The following MTFR1 variants were observed in gnomAD, a reference collection of about 807,000 sequenced individuals.
The protein encoded by MTFR1 is chondrocyte protein with a poly-proline region.
A neutral mutation model predicts 38.8 loss-of-function variants in MTFR1; 28 were observed. That is an observed-to-expected ratio of 0.72 (90% confidence interval 0.53 to 0.99). The LOEUF (loss-of-function observed/expected upper bound fraction) is 0.99, where lower values mean the gene tolerates loss of function less well. MTFR1 is among the 50% of genes least tolerant of loss of function. MTFR1 has a pLI of 0.00. For synonymous variants in MTFR1, 145 were observed against 137.0 expected (o/e 1.06, Z -0.41); for missense variants, 358 against 395.5 (o/e 0.91, Z 0.81).
chr8:65,711,406 G>GAAAT (rs765923464), downstream of MTFR1, among the ~76,000 whole-genome samples: 1 of 152,174 alleles, frequency 6.6e-6, no homozygotes, highest in Non-Finnish European at 1.5e-5. Context: ...AACTTCCCCA[G>GAAAT]AAATAAATAG....
intron 2 of MTFR1, among the ~76,000 whole-genome samples, chr8:65,670,366 T>C (rs1296039805): frequency 6.6e-6 from 1 of 152,190 alleles, no homozygotes; most frequent in Non-Finnish European, 1.5e-5. Context: ...ATCATTAACA[T>C]TGAATGCTGT....
At chr8:65,750,501 T>TGC (rs1807891063) in intron 3 of MTFR1, among the ~76,000 whole-genome samples, 3 of 143,320 alleles carry the variant, frequency 2.1e-5, no homozygotes, top group Non-Finnish European at 4.5e-5. Flanking sequence ...TGTGTGTGTG[T>TGC]GTCTGTGTGT....
At chr8:65,735,844 T>C (rs1412262434) in intron 3 of MTFR1, among the ~76,000 whole-genome samples, 1 of 151,846 alleles carries the variant, frequency 6.6e-6, no homozygotes, top group East Asian at 1.9e-4. Context: ...AGGCTGGTCT[T>C]TAACTCCTGA....
chr8:65,703,757 ATTTGTT>A (rs1335459047), intron 4 of MTFR1, among the ~76,000 whole-genome samples: 4 of 151,720 alleles, frequency 2.6e-5, no homozygotes, highest in African/African-American at 9.7e-5. Context: ...TTGTTTTTGT[ATTTGTT>A]TTTATTTCTT....
intron 3 of MTFR1, among the ~76,000 whole-genome samples, chr8:65,754,510 G>A (rs549894075): frequency 4.7e-4 from 71 of 151,306 alleles, no homozygotes; most frequent in Non-Finnish European, 3.0e-4. Context: ...ACTAATTTTT[G>A]TATTTTTAGT....
intron 3 of MTFR1, chr8:65,725,275 A>G (rs1375086904): frequency 6.2e-6 from 1 of 162,030 alleles, no homozygotes; most frequent in Non-Finnish European, 1.4e-5. Context: ...TTGCTGGAAA[A>G]TTCTCATGCT....
At chr8:65,723,518 T>C in intron 3 of MTFR1, 1 of 1,475,830 alleles carries the variant, frequency 6.8e-7, no homozygotes, top group Non-Finnish European at 9.0e-7. Context: ...TCTAACCAGC[T>C]ATATCTAAAT....
rs753147245 is a variant in MTFR1 at position 65,739,496 on chromosome 8, A to G, written c.*48+20015A>G. On this transcript the variant is annotated intron_variant, in intron 3 of 3. Transcript: ENST00000521247. ...TTGTTACTGTTAATGGGTTAGAATC[A>G]CTTACCTAAAAATCTACGAAGTTTC... is the stretch of plus-strand genomic sequence containing the variant. 9 of 1,550,118 alleles carry G rather than the reference A, an allele frequency of 5.8e-6. No homozygotes were observed. In the Admixed American group the frequency reaches 1.6e-4, roughly 27 times the overall value.
chr8:65,649,151 T>TA (rs1006232292), intron 1 of MTFR1, among the ~76,000 whole-genome samples: 1 of 152,114 alleles, frequency 6.6e-6, no homozygotes, highest in African/African-American at 2.4e-5. Flanking sequence ...AGGATGTGTA[T>TA]AGGTTATATG....
rs190568640 is a variant in MTFR1, at chr8:65,710,121, T to C, written c.*1077T>C. ...TTTATAAATCTTCATGGTTTTTCTATTTCTGATACACTCAGCTATAGTTAA... is the reference window on the plus strand; with the variant it reads ...TTTATAAATCTTCATGGTTTTTCTACTTCTGATACACTCAGCTATAGTTAA... On this transcript the variant is annotated 3_prime_UTR_variant, in exon 8 of 8. Transcript: ENST00000262146. 4.4e-4 allele frequency: 67 copies of C among 152,324 alleles called. No individual in the cohort carries two copies. Among genetic ancestry groups the C allele is most frequent in the African/African-American group, 1.5e-3 (62 of 41,576 alleles). The allele number at this position is 152,324 out of a possible 1,614,324, so 9.4% of individuals were successfully genotyped here.
intron 3 of MTFR1, among the ~76,000 whole-genome samples, chr8:65,733,025 T>C (rs1806964459): frequency 6.6e-6 from 1 of 152,160 alleles, no homozygotes; most frequent in African/African-American, 2.4e-5. Flanking sequence ...GACTCCATTT[T>C]AAAATGTTCA....
downstream of MTFR1, among the ~76,000 whole-genome samples, chr8:65,776,035 C>T (rs375362491): frequency 5.9e-5 from 9 of 152,258 alleles, no homozygotes; most frequent in African/African-American, 2.2e-4. Flanking sequence ...TTCAGGCTTC[C>T]CCTACACCAT....
intron 3 of MTFR1, chr8:65,739,641 CAACACAAT>C: frequency 7.0e-7 from 1 of 1,425,046 alleles, no homozygotes; most frequent in Non-Finnish European, 9.2e-7. Context: ...AAATACAAGT[CAACACAAT>C]TATATTATGC....
intron 3 of MTFR1, among the ~76,000 whole-genome samples, chr8:65,686,345 G>T (rs1025487735): frequency 6.6e-6 from 1 of 152,144 alleles, no homozygotes; most frequent in Admixed American, 6.5e-5. Context: ...GCCAATGCGG[G>T]TGGATCACCT....
chr8:65,773,606 T>C (rs1809173818), downstream of MTFR1, among the ~76,000 whole-genome samples: 1 of 152,248 alleles, frequency 6.6e-6, no homozygotes, highest in Non-Finnish European at 1.5e-5. Flanking sequence ...TTATCCAATT[T>C]GACCTTCTTT....
intron 3 of MTFR1, among the ~76,000 whole-genome samples, chr8:65,692,618 G>T (rs564739397): frequency 6.6e-6 from 1 of 151,078 alleles, no homozygotes; most frequent in East Asian, 1.9e-4. Flanking sequence ...GGGACTGTAG[G>T]CAGGAACCAC....
intron 4 of MTFR1, among the ~76,000 whole-genome samples, chr8:65,701,162 C>A (rs1805604146): frequency 6.6e-6 from 1 of 152,232 alleles, no homozygotes; most frequent in African/African-American, 2.4e-5. Context: ...TGCCCTTTCT[C>A]CTTTAAATAT....
intron 3 of MTFR1, among the ~76,000 whole-genome samples, chr8:65,736,790 GTTTTT>G (rs34814975): frequency 3.1e-5 from 4 of 128,820 alleles, no homozygotes; most frequent in Non-Finnish European, 6.4e-5. Flanking sequence ...AAATTTATCT[GTTTTT>G]TTTTTTTTTT....
intron 3 of MTFR1, among the ~76,000 whole-genome samples, chr8:65,729,604 C>T (rs1219789890): frequency 6.6e-6 from 1 of 152,016 alleles, no homozygotes; most frequent in Non-Finnish European, 1.5e-5. Flanking sequence ...CTTGCTGATG[C>T]CCAGCCTGGA....
Sources: gnomAD v4.1 joint callset for allele counts (sites outside exome capture counted in the v4.1 genomes callset) on GRCh38, gnomAD v4.1.1 for gene constraint, MANE v1.5 for transcripts, NCBI Gene and HGNC (gene_info 2026-07-23, HGNC 2026-07-21) for gene names.